The following PIAS2 variants were observed in gnomAD, a reference collection of about 807,000 sequenced individuals.
PIAS2 encodes the protein E3 SUMO-protein ligase PIAS2.
In PIAS2, 19 loss-of-function variants were observed where a neutral mutation model predicts 69.7. The observed-to-expected ratio is 0.27, with a 90% CI of 0.19 to 0.40. PIAS2 has a LOEUF of 0.40. Ranked by LOEUF, PIAS2 falls within the 10% of genes least tolerant of loss-of-function variation. PIAS2 has a pLI of 1.00. For missense variants in PIAS2, 624 were observed against 757.0 expected, an observed-to-expected ratio of 0.82 and a Z score of 2.06; for synonymous variants, 261 against 263.2, an observed-to-expected ratio of 0.99 and a Z score of 0.08.
In PIAS2 at chr18:46,907,991, G is replaced by A. The variant is rs561703337; in HGVS notation, c.24+9331C>T. On this transcript the variant is annotated intron_variant, in intron 1 of 13. Coordinates refer to ENST00000585916, the MANE Select transcript of PIAS2 (RefSeq NM_004671.5). Reference sequence around the variant, plus strand: ...GAAGAATGAGGTGAGGTTAGCCACTGGGGAGGGGAATATTTAGAGTGCTGG... The same window carrying A: ...GAAGAATGAGGTGAGGTTAGCCACTAGGGAGGGGAATATTTAGAGTGCTGG... 2.0e-5 allele frequency: 3 copies of A among 152,264 alleles called. No homozygotes were observed. In the South Asian group the frequency reaches 6.2e-4, roughly 32 times the overall value. 9.4% of individuals were successfully genotyped at this position (152,264 alleles called of 1,614,324 possible).
At chr18:46,874,595 T>C (rs562548640) in intron 2 of PIAS2, among the ~76,000 whole-genome samples, 75 of 152,266 alleles carry the variant, frequency 4.9e-4, no homozygotes, top group African/African-American at 1.3e-3. Flanking sequence ...TGCCTTCCCA[T>C]TGCCTTACTG....
intron 2 of PIAS2, among the ~76,000 whole-genome samples, chr18:46,869,002 C>A (rs929224192): frequency 6.6e-6 from 1 of 152,146 alleles, no homozygotes; most frequent in Non-Finnish European, 1.5e-5. Context: ...TAAGAAAAGT[C>A]GTGGGGGTGA....
intron 9 of PIAS2, among the ~76,000 whole-genome samples, chr18:46,833,967 A>G (rs986209330): frequency 6.6e-6 from 1 of 151,612 alleles, no homozygotes; most frequent in African/African-American, 2.4e-5. Flanking sequence ...CTCATCCCCA[A>G]TTTTCCTCCC....
intron 12 of PIAS2, among the ~76,000 whole-genome samples, chr18:46,819,889 T>C (rs1188350682): frequency 6.6e-6 from 1 of 152,164 alleles, no homozygotes. Context: ...GAAGTCCTGA[T>C]ACTAAGGTAA....
rs762815310 is a variant in PIAS2 at position 46,803,226 on chromosome 18, T to G, written c.*9207A>C. ...CCAATGAAAGCAATGGGTCATAGTT[T>G]AATTAGCAGGTTTAATTTTTCTTTA... On this transcript the variant is annotated 3_prime_UTR_variant, in exon 14 of 14. Transcript: ENST00000585916. 6.6e-6 allele frequency: 1 copy of G among 152,132 alleles called. No individual in the cohort carries two copies. Among genetic ancestry groups the G allele is most frequent in the African/African-American group, 2.4e-5 (1 of 41,444 alleles). 9.4% of individuals were successfully genotyped at this position (152,132 alleles called of 1,614,324 possible).
intron 2 of PIAS2, among the ~76,000 whole-genome samples, chr18:46,867,368 C>T (rs1276882755): frequency 6.6e-6 from 1 of 152,162 alleles, no homozygotes; most frequent in Admixed American, 6.5e-5. Flanking sequence ...TTAACATTGA[C>T]AGTTCTTAGA....
At chr18:46,912,161 T>C (rs765737000) in intron 1 of PIAS2, among the ~76,000 whole-genome samples, 5 of 152,196 alleles carry the variant, frequency 3.3e-5, no homozygotes, top group Non-Finnish European at 7.3e-5. Context: ...TATATCTTTT[T>C]CTGAAAGACC....
At chr18:46,850,020 C>G (rs1464771711) in intron 5 of PIAS2, among the ~76,000 whole-genome samples, 1 of 152,152 alleles carries the variant, frequency 6.6e-6, no homozygotes, top group Non-Finnish European at 1.5e-5. Flanking sequence ...AAAAAATCAC[C>G]TAACACCTTG....
chr18:46,916,872 T>C (rs990868351), intron 1 of PIAS2: 1 of 985,386 alleles, frequency 1.0e-6, no homozygotes, highest in African/African-American at 1.7e-5. Context: ...GAGAGATTCC[T>C]AAACGCAACT....
rs1246212225 is a variant in PIAS2, at chr18:46,806,143, G to C, written c.*6290C>G. 6.6e-6 allele frequency: 1 copy of C among 152,008 alleles called. No homozygotes were observed. Among genetic ancestry groups the C allele is most frequent in the African/African-American group, 2.4e-5 (1 of 41,376 alleles). 9.4% of individuals were successfully genotyped at this position (152,008 alleles called of 1,614,324 possible). A position where few individuals can be genotyped will look rare whatever the true frequency, so the allele number is the denominator to read the frequency against. The stretch of plus-strand genomic sequence containing the variant: ...GATTCCCATATCAGTCTCCTAGATA[G>C]CACAGCTAATTAACGTCACTTCAGT... On this transcript the variant is annotated 3_prime_UTR_variant, in exon 14 of 14. Transcript: ENST00000585916.
chr18:46,863,774 A>ACAT (rs1210695876), intron 3 of PIAS2, among the ~76,000 whole-genome samples: 1 of 152,182 alleles, frequency 6.6e-6, no homozygotes, highest in Non-Finnish European at 1.5e-5. Context: ...ACTGTTATGG[A>ACAT]CTGAATTGTG....
chr18:46,913,807 C>T (rs1464536687), intron 1 of PIAS2, among the ~76,000 whole-genome samples: 1 of 152,210 alleles, frequency 6.6e-6, no homozygotes, highest in Non-Finnish European at 1.5e-5. Context: ...CTTAGCTCTT[C>T]TACAGACTAG....
At chr18:46,817,560 A>T (rs2041693261) in intron 12 of PIAS2, 1 of 920,840 alleles carries the variant, frequency 1.1e-6, no homozygotes, top group South Asian at 5.0e-5. Flanking sequence ...AACAATTAAG[A>T]GATTTACTTA....
intron 8 of PIAS2, among the ~76,000 whole-genome samples, chr18:46,839,450 T>C (rs766368139): frequency 6.6e-6 from 1 of 152,236 alleles, no homozygotes; most frequent in Non-Finnish European, 1.5e-5. Context: ...TTTGGTTCTA[T>C]TTGAATAATC....
chr18:46,829,988 G>A (rs9960888), intron 9 of PIAS2, 121 bp from the exon 10 acceptor site: 2 of 779,862 alleles, frequency 2.6e-6, no homozygotes, highest in African/African-American at 3.5e-5. Context: ...TTTTCTTTTG[G>A]TATTGCAATA....
At chr18:46,889,897 A>C (rs146803114) in intron 2 of PIAS2, among the ~76,000 whole-genome samples, 84 of 152,364 alleles carry the variant, frequency 5.5e-4, no homozygotes, top group African/African-American at 1.9e-3. Flanking sequence ...AGAAACAGCT[A>C]AAATAATTAA....
At chr18:46,817,564 T>G in intron 12 of PIAS2, 1 of 923,302 alleles carries the variant, frequency 1.1e-6, no homozygotes, top group African/African-American at 1.8e-5. Flanking sequence ...ATTAAGAGAT[T>G]TACTTATCTG....
chr18:46,855,314 A>C, intron 5 of PIAS2, 31 bp downstream of exon 5: 1 of 1,381,474 alleles, frequency 7.2e-7, no homozygotes, highest in Non-Finnish European at 1.0e-6. Flanking sequence ...TTAAACTTAT[A>C]TGCAAATCTG....
chr18:46,871,511 A>G (rs898498592), intron 2 of PIAS2, among the ~76,000 whole-genome samples: 8 of 152,206 alleles, frequency 5.3e-5, no homozygotes, highest in Admixed American at 4.6e-4. Context: ...GAATGTCCTG[A>G]ATGGGAGAAG....
Sources: allele counts gnomAD v4.1 joint callset (sites outside exome capture counted in the v4.1 genomes callset), GRCh38; gene constraint gnomAD v4.1.1; transcripts MANE v1.5; gene names NCBI Gene and HGNC (gene_info 2026-07-23, HGNC 2026-07-21).